ARHGAP26: variants seen among roughly 807,000 people sequenced by gnomAD.
ARHGAP26 encodes the protein rho GTPase-activating protein 26.
Under a neutral mutation model 104.8 loss-of-function variants are expected in ARHGAP26, and 38 were observed. The observed-to-expected ratio is 0.36, with a 90% CI of 0.28 to 0.48. The LOEUF is 0.48. Among genes scored for constraint, ARHGAP26 ranks in the 20% least tolerant of loss-of-function variants. The pLI is 0.99. For missense variants in ARHGAP26, 704 were observed against 947.9 expected (o/e 0.74, Z 3.38); for synonymous variants, 341 against 340.0 (o/e 1.00, Z -0.03).
intron 12 of ARHGAP26, among the ~76,000 whole-genome samples, chr5:143,026,991 G>T (rs56928930): frequency 0.061 from 9,202 of 152,094 alleles, 627 homozygotes; most frequent in African/African-American, 0.17. Context: ...GTGTGAATTG[G>T]ATATAGGGTG....
intron 1 of ARHGAP26, among the ~76,000 whole-genome samples, chr5:142,820,748 T>C (rs114942661): frequency 1.8e-4 from 27 of 152,338 alleles, no homozygotes; most frequent in Admixed American, 3.3e-4. Context: ...AAGGCCATAA[T>C]AATAAAACAT....
chr5:143,208,009 A>C (rs1036650254), intron 21 of ARHGAP26, among the ~76,000 whole-genome samples: 1 of 152,082 alleles, frequency 6.6e-6, no homozygotes, highest in Non-Finnish European at 1.5e-5. Flanking sequence ...GAAACCATCC[A>C]TGCTCCCAGC....
chr5:142,899,941 G>T (rs1043922125), intron 6 of ARHGAP26, among the ~76,000 whole-genome samples: 1 of 152,184 alleles, frequency 6.6e-6, no homozygotes, highest in Non-Finnish European at 1.5e-5. Context: ...TAATTACCCC[G>T]AGCAAGAGAG....
chr5:143,062,426 G>A (rs566092427), intron 17 of ARHGAP26, among the ~76,000 whole-genome samples: 3 of 152,050 alleles, frequency 2.0e-5, no homozygotes, highest in South Asian at 4.1e-4. Context: ...AAGGAATATT[G>A]TGGGGAAAAT....
chr5:142,811,897 A>G (rs1764145506), intron 1 of ARHGAP26, among the ~76,000 whole-genome samples: 1 of 152,154 alleles, frequency 6.6e-6, no homozygotes, highest in Admixed American at 6.5e-5. Flanking sequence ...TTGGCCTCTA[A>G]GTAATTCTTG....
At chr5:143,089,360 T>C (rs914992870) in intron 17 of ARHGAP26, among the ~76,000 whole-genome samples, 3 of 152,200 alleles carry the variant, frequency 2.0e-5, no homozygotes, top group African/African-American at 7.2e-5. Context: ...GAAGTAAGAA[T>C]TGAGGCTATT....
intron 1 of ARHGAP26, among the ~76,000 whole-genome samples, chr5:142,850,460 A>C (rs1751296969): frequency 6.6e-6 from 1 of 152,230 alleles, no homozygotes; most frequent in Admixed American, 6.5e-5. Flanking sequence ...AAAACACACA[A>C]AAAAACAACA....
intron 20 of ARHGAP26, chr5:143,202,489 T>C (rs1321136364): frequency 7.0e-6 from 1 of 142,614 alleles, no homozygotes; most frequent in East Asian, 2.0e-4. Context: ...AGCCATAAAA[T>C]AGCCATACTG....
At chr5:143,067,777 A>G (rs967796763) in intron 17 of ARHGAP26, among the ~76,000 whole-genome samples, 6 of 152,238 alleles carry the variant, frequency 3.9e-5, no homozygotes, top group Non-Finnish European at 8.8e-5. Flanking sequence ...CAGATATTCC[A>G]TGAGAAAATG....
At chr5:142,947,218 A>G (rs1228386802) in intron 11 of ARHGAP26, 2 of 151,392 alleles carry the variant, frequency 1.3e-5, no homozygotes, top group Non-Finnish European at 2.9e-5. Flanking sequence ...GTTAGTTTTC[A>G]CTATAAATCT....
intron 1 of ARHGAP26, among the ~76,000 whole-genome samples, chr5:142,809,805 A>C (rs547809816): frequency 6.6e-6 from 1 of 152,234 alleles, no homozygotes; most frequent in East Asian, 1.9e-4. Flanking sequence ...GGCTCACTTC[A>C]TTCATCCATT....
chr5:143,218,425 A>G (rs919017188), intron 22 of ARHGAP26, among the ~76,000 whole-genome samples: 2 of 152,230 alleles, frequency 1.3e-5, no homozygotes, highest in Non-Finnish European at 2.9e-5. Flanking sequence ...CTCAGTAAAC[A>G]TTTGTTAAAT....
chr5:143,000,928 G>A (rs915790286), intron 11 of ARHGAP26, among the ~76,000 whole-genome samples: 1 of 152,108 alleles, frequency 6.6e-6, no homozygotes, highest in African/African-American at 2.4e-5. Context: ...CCTAATGCAT[G>A]CAGGGCTTAA....
chr5:143,184,980 T>G (rs181472686), intron 20 of ARHGAP26, among the ~76,000 whole-genome samples: 2 of 152,078 alleles, frequency 1.3e-5, no homozygotes, highest in African/African-American at 2.4e-5. Flanking sequence ...TAATGAGAGG[T>G]CTATGCAACA....
intron 17 of ARHGAP26, among the ~76,000 whole-genome samples, chr5:143,090,614 C>G (rs1791274763): frequency 6.6e-6 from 1 of 152,136 alleles, no homozygotes; most frequent in Non-Finnish European, 1.5e-5. Context: ...AAGAAGGGAA[C>G]TGGCTTAGAA....
intron 20 of ARHGAP26, among the ~76,000 whole-genome samples, chr5:143,148,053 A>G (rs1285553710): frequency 6.6e-6 from 1 of 152,170 alleles, no homozygotes; most frequent in Admixed American, 6.5e-5. Flanking sequence ...ACATTGCTTC[A>G]CATGCTTCCT....
chr5:143,170,752 T>C (rs1802659402), intron 20 of ARHGAP26: 1 of 152,212 alleles, frequency 6.6e-6, no homozygotes, highest in East Asian at 1.9e-4. Flanking sequence ...ACCCAGGTGG[T>C]CAGGTTCTAG....
intron 10 of ARHGAP26, among the ~76,000 whole-genome samples, chr5:142,916,726 C>A (rs1310209048): frequency 6.6e-6 from 1 of 152,130 alleles, no homozygotes; most frequent in Non-Finnish European, 1.5e-5. Context: ...GTCTCTGAGA[C>A]AGATTACTTG....
intron 1 of ARHGAP26, among the ~76,000 whole-genome samples, chr5:142,778,910 A>G (rs564731128): frequency 6.6e-6 from 1 of 151,868 alleles, no homozygotes; most frequent in South Asian, 2.1e-4. Context: ...TCTGTTAGAC[A>G]CTGACACTGA....
Sources: gnomAD v4.1 joint callset for allele counts (sites outside exome capture counted in the v4.1 genomes callset) on GRCh38, gnomAD v4.1.1 for gene constraint, MANE v1.5 for transcripts, NCBI Gene and HGNC (gene_info 2026-07-23, HGNC 2026-07-21) for gene names.